Variants in GOLGA7 observed in about 807,000 individuals in gnomAD.
The protein encoded by GOLGA7 is golgin A7, also known as golgin subfamily A member 7.
GOLGA7 carries 10 observed loss-of-function variants against 21.1 expected under a neutral mutation model. The observed-to-expected ratio is 0.47, with a 90% CI of 0.29 to 0.80. The LOEUF (loss-of-function observed/expected upper bound fraction) is 0.80, where lower values mean the gene tolerates loss of function less well. Ranked by LOEUF, GOLGA7 falls within the 30% of genes least tolerant of loss-of-function variation. GOLGA7 has a pLI of 0.08. For synonymous variants in GOLGA7, 64 were observed against 62.6 expected (o/e 1.02, Z -0.10); for missense variants, 114 against 166.8 (o/e 0.68, Z 1.74).
chr8:41,504,615 T>A (rs1806238092), intron 2 of GOLGA7, among the ~76,000 whole-genome samples: 1 of 152,224 alleles, frequency 6.6e-6, no homozygotes, highest in East Asian at 1.9e-4. Context: ...GAAATAATAC[T>A]CCTAATTTAT....
At chr8:41,500,585 A>G (rs1442951929) in intron 2 of GOLGA7, among the ~76,000 whole-genome samples, 2 of 152,138 alleles carry the variant, frequency 1.3e-5, no homozygotes, top group Non-Finnish European at 1.5e-5. Flanking sequence ...TGATGTGATG[A>G]GATTTTCATT....
intron 4 of GOLGA7, among the ~76,000 whole-genome samples, chr8:41,508,051 T>C (rs1459184735): frequency 6.6e-6 from 1 of 152,202 alleles, no homozygotes; most frequent in Non-Finnish European, 1.5e-5. Flanking sequence ...ATTTTATAGA[T>C]GAGCAAACTT....
chr8:41,505,724 C>A, intron 2 of GOLGA7, 187 bp from the exon 3 acceptor site: 1 of 465,518 alleles, frequency 2.1e-6, no homozygotes, highest in Non-Finnish European at 3.8e-6. Flanking sequence ...TGGAAGAGTC[C>A]CTCACACTTG....
chr8:41,497,552 A>C lies in GOLGA7; in HGVS notation c.155A>C (p.Asn52Thr), dbSNP rs1585598006. ...QFEETVRTLN[N>T]LYAEAEKLGG... The stretch of plus-strand genomic sequence containing the variant: ...GAAGAAACAGTTCGAACTCTAAATA[A>C]CCTTTATGCAGAAGCAGAGAAGCTC... The change falls in exon 2 of 5, where the codon AAC (asparagine) becomes ACC (threonine). Residue 52 changes from asparagine to threonine, a missense_variant. Asn to Thr is a moderately conservative substitution (Grantham distance 65). Coordinates refer to ENST00000357743, the MANE Select transcript of GOLGA7 (RefSeq NM_001002296.2). 1 of 1,588,012 alleles carries C rather than the reference A, an allele frequency of 6.3e-7. No homozygotes were observed. The highest frequency in any genetic ancestry group is 2.2e-5 in the East Asian group (1 of 44,674).
At chr8:41,497,472 TCCAAAA>T in intron 1 of GOLGA7, 31 bp from the exon 2 acceptor site, 1 of 1,206,856 alleles carries the variant, frequency 8.3e-7, no homozygotes, top group Admixed American at 2.4e-5. Context: ...ATTTTTTTTT[TCCAAAA>T]CTTAATTTTT....
At chr8:41,494,974 G>C (rs977890336) in intron 1 of GOLGA7, among the ~76,000 whole-genome samples, 6 of 151,916 alleles carry the variant, frequency 3.9e-5, no homozygotes, top group Admixed American at 6.6e-5. Flanking sequence ...GGGAGGCCAG[G>C]GGGGTGGATC....
chr8:41,493,578 T>C (rs1805937043), intron 1 of GOLGA7, among the ~76,000 whole-genome samples: 2 of 152,174 alleles, frequency 1.3e-5, no homozygotes, highest in Non-Finnish European at 2.9e-5. Flanking sequence ...ACAGATATCT[T>C]AGTTACCCTT....
chr8:41,502,542 A>G (rs544251092), intron 2 of GOLGA7: 3 of 152,336 alleles, frequency 2.0e-5, no homozygotes, highest in African/African-American at 4.8e-5. Context: ...TTAGGGGACA[A>G]ATGGGCTCGT....
chr8:41,494,987 A>G (rs923760175), intron 1 of GOLGA7, among the ~76,000 whole-genome samples: 6 of 151,932 alleles, frequency 3.9e-5, no homozygotes, highest in Non-Finnish European at 7.4e-5. Context: ...GGTGGATCAC[A>G]TGAGGCTAGG....
chr8:41,505,630 A>G (rs4736814), intron 2 of GOLGA7, among the ~76,000 whole-genome samples: 27,418 of 152,158 alleles, frequency 0.18, 2,998 homozygotes, highest in Middle Eastern at 0.32. Context: ...GAGGTGACTG[A>G]GAAGTAGGGA....
chr8:41,505,716 G>T (rs771342586), intron 2 of GOLGA7, 195 bp from the exon 3 acceptor site: 13 of 459,676 alleles, frequency 2.8e-5, no homozygotes, highest in Non-Finnish European at 4.6e-5. Flanking sequence ...TTTTTGACTG[G>T]AAGAGTCCCT....
intron 2 of GOLGA7, among the ~76,000 whole-genome samples, chr8:41,502,954 CT>C (rs1462031947): frequency 6.6e-6 from 1 of 151,916 alleles, no homozygotes; most frequent in African/African-American, 2.4e-5. Flanking sequence ...GCGCTTTGTC[CT>C]TTCTGAGATT....
chr8:41,493,457 T>C (rs1319637418), intron 1 of GOLGA7, among the ~76,000 whole-genome samples: 1 of 152,250 alleles, frequency 6.6e-6, no homozygotes, highest in African/African-American at 2.4e-5. Flanking sequence ...TTCTGTCTGT[T>C]AACAAGTTCA....
Position 41,507,086 on chromosome 8 carries a change from G to T in GOLGA7, c.394G>T (p.Gly132Cys). Residue 132 changes from glycine (G) to cysteine (C), a missense_variant, in exon 4 of 5, where the codon GGC becomes TGC. Gly to Cys is a radical substitution (Grantham distance 159, BLOSUM62 -3). Transcript: ENST00000357743. ...TGAAATTACCATTTATGAAGACAGA[G>T]GCATGAGCAGTGGAAGATAAACCGA... ...VIEITIYEDR[G>C]MSSGR is the part of the protein sequence containing the mutation. The T allele has an allele frequency of 7.4e-7, 1 of 1,349,606 alleles. No homozygotes were observed. The highest frequency in any genetic ancestry group is 1.1e-6 in the Non-Finnish European group (1 of 938,560). The allele number at this position is 1,349,606 out of a possible 1,614,324, so 83.6% of individuals were successfully genotyped here.
chr8:41,510,016 T>G lies in GOLGA7; in HGVS notation c.*448T>G, dbSNP rs1041811036. The G allele has an allele frequency of 1.3e-5, 2 of 152,552 alleles. No homozygotes were observed. The highest frequency in any genetic ancestry group is 4.8e-5 in the African/African-American group (2 of 41,436). The allele number at this position is 152,552 out of a possible 1,614,324, so 9.4% of individuals were successfully genotyped here. A position where few individuals can be genotyped will look rare whatever the true frequency, so the allele number is the denominator to read the frequency against. ...ATCTTGTTCCCCTAAATTAATAAAA[T>G]GTTTTTCTCCAGGATTTTGGTGAGG... On this transcript the variant is annotated 3_prime_UTR_variant, in exon 5 of 5. Transcript: ENST00000357743.
At chr8:41,490,492 G>A (rs934188853), upstream of GOLGA7, 7 of 220,740 alleles carry the variant, frequency 3.2e-5, no homozygotes, top group Non-Finnish European at 6.4e-5. Context: ...TTTACGGCCG[G>A]AGGAGAGGGT....
chr8:41,495,202 CAA>C (rs1200554916), intron 1 of GOLGA7, among the ~76,000 whole-genome samples: 3,724 of 38,798 alleles, frequency 0.096, 12 homozygotes, highest in Non-Finnish European at 0.12. Flanking sequence ...GACTCTGTCT[CAA>C]AAAAAAAAAA....
At chr8:41,505,294 G>A (rs2083116675) in intron 2 of GOLGA7, among the ~76,000 whole-genome samples, 1 of 152,178 alleles carries the variant, frequency 6.6e-6, no homozygotes, top group Non-Finnish European at 1.5e-5. Context: ...AGCACTACAT[G>A]CAGTCATGGA....
At chr8:41,506,917 A>C in intron 3 of GOLGA7, 142 bp from the exon 4 acceptor site, 1 of 665,648 alleles carries the variant, frequency 1.5e-6, no homozygotes. Flanking sequence ...GGAGAAAGCA[A>C]ACTTAAGTAG....
Sources: allele counts gnomAD v4.1 joint callset (sites outside exome capture counted in the v4.1 genomes callset), GRCh38; gene constraint gnomAD v4.1.1; transcripts MANE v1.5; gene names NCBI Gene and HGNC (gene_info 2026-07-23, HGNC 2026-07-21).